The following ADGRB3 variants were observed in gnomAD, a reference collection of about 807,000 sequenced individuals.
ADGRB3 encodes brain-specific angiogenesis inhibitor 3.
ADGRB3 carries 37 observed loss-of-function variants against 193.4 expected under a neutral mutation model. The observed-to-expected ratio is 0.19, with a 90% CI of 0.15 to 0.25. The LOEUF (loss-of-function observed/expected upper bound fraction) is 0.25. Ranked by LOEUF, ADGRB3 falls within the 10% of genes least tolerant of loss-of-function variation. The pLI, the probability that ADGRB3 is intolerant of heterozygous loss-of-function variation, is 1.00. For synonymous variants in ADGRB3, 690 were observed against 644.2 expected (o/e 1.07, Z -1.08); for missense variants, 1,637 against 1,852.9 (o/e 0.88, Z 2.14).
At chr6:69,339,570 G>A in intron 26 of ADGRB3, 66 bp downstream of exon 26, 1 of 1,499,662 alleles carries the variant, frequency 6.7e-7, no homozygotes. Flanking sequence ...TAAAAAGAAT[G>A]ATCTTTTAAT....
At chr6:69,000,068 A>G (rs1769521254) in intron 11 of ADGRB3, among the ~76,000 whole-genome samples, 1 of 152,212 alleles carries the variant, frequency 6.6e-6, no homozygotes, top group Non-Finnish European at 1.5e-5. Flanking sequence ...TTGCTCCAGA[A>G]ACTTTAAGAC....
intron 16 of ADGRB3, among the ~76,000 whole-genome samples, chr6:69,070,774 A>C (rs1772056010): frequency 6.6e-6 from 1 of 152,218 alleles, no homozygotes; most frequent in African/African-American, 2.4e-5. Flanking sequence ...CACTGTGAAA[A>C]CATCATTAAT....
chr6:69,118,334 G>A (rs909744889), intron 17 of ADGRB3, among the ~76,000 whole-genome samples: 1 of 152,072 alleles, frequency 6.6e-6, no homozygotes, highest in Non-Finnish European at 1.5e-5. Context: ...ATCCAGTCTA[G>A]CAAGTTTAAT....
intron 3 of ADGRB3, among the ~76,000 whole-genome samples, chr6:68,714,333 A>G (rs1168562655): frequency 1.3e-5 from 2 of 151,560 alleles, no homozygotes; most frequent in African/African-American, 2.4e-5. Flanking sequence ...AAGAGACCAT[A>G]TCCAAAACAA....
intron 17 of ADGRB3, among the ~76,000 whole-genome samples, chr6:69,217,368 G>A (rs1413749601): frequency 2.0e-5 from 3 of 152,142 alleles, no homozygotes; most frequent in Non-Finnish European, 4.4e-5. Context: ...TATAATGATT[G>A]CAAATAAAAC....
intron 3 of ADGRB3, among the ~76,000 whole-genome samples, chr6:68,775,337 G>A (rs902260353): frequency 3.9e-5 from 6 of 151,936 alleles, no homozygotes; most frequent in Non-Finnish European, 7.4e-5. Context: ...TGGCTGCCCC[G>A]TGCACCAAGG....
chr6:68,993,615 G>A (rs906545737), intron 10 of ADGRB3, among the ~76,000 whole-genome samples, 153 bp from the exon 11 acceptor site: 3 of 152,146 alleles, frequency 2.0e-5, no homozygotes. Context: ...CTGAGTATGG[G>A]ATACACACAA....
chr6:68,891,958 A>G (rs893508889), intron 3 of ADGRB3, among the ~76,000 whole-genome samples: 10 of 152,202 alleles, frequency 6.6e-5, no homozygotes, highest in African/African-American at 2.4e-4. Context: ...CTGTTCAGGA[A>G]TATGTCCCTG....
chr6:68,778,517 G>C (rs9446057), intron 3 of ADGRB3, among the ~76,000 whole-genome samples: 119,522 of 151,956 alleles, frequency 0.79, 47,208 homozygotes, highest in Middle Eastern at 0.91. Flanking sequence ...TGAACACACT[G>C]TATGTTTTGT....
intron 3 of ADGRB3, among the ~76,000 whole-genome samples, chr6:68,838,599 A>C (rs1371821476): frequency 6.6e-6 from 1 of 152,202 alleles, no homozygotes; most frequent in Admixed American, 6.5e-5. Context: ...AGCAAAATAA[A>C]TTGTTGTAGC....
At chr6:69,173,715 C>T (rs1387689102) in intron 17 of ADGRB3, among the ~76,000 whole-genome samples, 2 of 151,068 alleles carry the variant, frequency 1.3e-5, no homozygotes, top group South Asian at 2.1e-4. Flanking sequence ...GAAAGCAGGA[C>T]CTAGAGGGAA....
At chr6:68,913,579 C>T (rs1315961600) in intron 3 of ADGRB3, among the ~76,000 whole-genome samples, 1 of 152,052 alleles carries the variant, frequency 6.6e-6, no homozygotes, top group Non-Finnish European at 1.5e-5. Flanking sequence ...TAGATAAAAC[C>T]ACAAAGATGG....
At chr6:69,167,009 T>A (rs1239679240) in intron 17 of ADGRB3, among the ~76,000 whole-genome samples, 5 of 152,178 alleles carry the variant, frequency 3.3e-5, no homozygotes, top group Non-Finnish European at 5.9e-5. Context: ...ATTTTGTTCC[T>A]TTAAGAACAT....
intron 17 of ADGRB3, among the ~76,000 whole-genome samples, chr6:69,176,388 G>T (rs962955188): frequency 3.9e-5 from 6 of 152,184 alleles, no homozygotes; most frequent in Admixed American, 3.3e-4. Context: ...TGTCTATTGA[G>T]ATGATTATAT....
Position 68,795,082 on chromosome 6 carries a change from TTTAATTAAAACTTACATTAAA to T in ADGRB3, c.758-135476_758-135456del, listed in dbSNP as rs1291237430. Among the ~76,000 whole-genome samples, 6 of 152,166 alleles carry T rather than the reference TTTAATTAAAACTTACATTAAA, an allele frequency of 3.9e-5. No homozygotes were observed. In the East Asian group the frequency reaches 1.2e-3, roughly 29 times the overall value. ...ACAGGAGAGCCCAAGTAATGAGGCT[TTTAATTAAAACTTACATTAAA>T]GTGAAAGTGAGCACATACATAGCAT... is the stretch of plus-strand genomic sequence containing the variant. On this transcript the variant is annotated intron_variant, in intron 3 of 31. Coordinates refer to ENST00000370598, the MANE Select transcript of ADGRB3 (RefSeq NM_001704.3).
intron 3 of ADGRB3, among the ~76,000 whole-genome samples, chr6:68,806,094 G>A (rs966954291): frequency 6.6e-6 from 1 of 152,122 alleles, no homozygotes; most frequent in African/African-American, 2.4e-5. Flanking sequence ...TTTACCAGAT[G>A]TTTAGAAATA....
intron 17 of ADGRB3, among the ~76,000 whole-genome samples, chr6:69,132,348 T>A (rs1284283329): frequency 2.0e-5 from 3 of 152,212 alleles, no homozygotes; most frequent in Non-Finnish European, 4.4e-5. Flanking sequence ...CTCATTGTGG[T>A]TTTGATTTGC....
In ADGRB3 at chr6:69,235,091, C is replaced by T. The variant is rs1436821055; in HGVS notation, c.2667C>T (p.Cys889=). The change falls in exon 19 of 32, where the codon TGC becomes TGT. Residue 889 remains cysteine (C), a synonymous_variant. Coordinates refer to ENST00000370598, the MANE Select transcript of ADGRB3 (RefSeq NM_001704.3). ...TAATAGTAGGCAGTGGTCTTTCTTGCTTGGCCTTGATTACCCTAGCAGTTG... is the reference window on the plus strand; with the variant it reads ...TAATAGTAGGCAGTGGTCTTTCTTGTTTGGCCTTGATTACCCTAGCAGTTG... ...VTLIVGSGLS[C]LALITLAVVY... 6 of 1,613,026 alleles carry T rather than the reference C, an allele frequency of 3.7e-6. No homozygotes were observed. In the East Asian group the frequency reaches 1.3e-4, roughly 36 times the overall value.
intron 15 of ADGRB3, among the ~76,000 whole-genome samples, chr6:69,057,695 A>G (rs9446089): frequency 0.7 from 106,572 of 151,840 alleles, 39,252 homozygotes; most frequent in African/African-American, 0.83. Context: ...ACAGTCATGC[A>G]GTTTTTGATC....
Sources: gnomAD v4.1 joint callset for allele counts (sites outside exome capture counted in the v4.1 genomes callset) on GRCh38, gnomAD v4.1.1 for gene constraint, MANE v1.5 for transcripts, NCBI Gene and HGNC (gene_info 2026-07-23, HGNC 2026-07-21) for gene names.